The following ROBO1 variants were observed in gnomAD, a reference collection of about 807,000 sequenced individuals.
The protein encoded by ROBO1 is roundabout homolog 1.
ROBO1 carries 149 observed loss-of-function variants against 195.9 expected under a neutral mutation model. The observed-to-expected ratio is 0.76, with a 90% CI of 0.67 to 0.87. The LOEUF is 0.87. Among genes scored for constraint, ROBO1 ranks in the 40% least tolerant of loss-of-function variants. The pLI is 0.00. For synonymous variants in ROBO1, 816 were observed against 733.2 expected, an observed-to-expected ratio of 1.11 and a Z score of -1.82; for missense variants, 1,933 against 2,068.3, an observed-to-expected ratio of 0.93 and a Z score of 1.27.
At chr3:79,046,503 A>T (rs1273170917) in intron 3 of ROBO1, among the ~76,000 whole-genome samples, 14 of 152,152 alleles carry the variant, frequency 9.2e-5, no homozygotes, top group Admixed American at 9.2e-4. Context: ...ATTAACTAAC[A>T]TGATCACAAG....
chr3:79,750,062 G>C (rs758347628), intron 1 of ROBO1, among the ~76,000 whole-genome samples: 2 of 152,208 alleles, frequency 1.3e-5, no homozygotes, highest in Non-Finnish European at 2.9e-5. Context: ...CCCTGCAAAG[G>C]CACAGGGGTG....
At chr3:79,200,336 G>T (rs1473816138) in intron 2 of ROBO1, among the ~76,000 whole-genome samples, 2 of 151,454 alleles carry the variant, frequency 1.3e-5, no homozygotes, top group African/African-American at 4.8e-5. Flanking sequence ...GCAAAAAATA[G>T]GTATTTATTT....
At chr3:79,179,790 A>C (rs2108727453) in intron 2 of ROBO1, among the ~76,000 whole-genome samples, 1 of 152,348 alleles carries the variant, frequency 6.6e-6, no homozygotes, top group East Asian at 1.9e-4. Context: ...ATTAAGAGTA[A>C]ACTAATTTTT....
intron 2 of ROBO1, among the ~76,000 whole-genome samples, chr3:79,448,564 G>A (rs894267382): frequency 3.9e-5 from 6 of 152,224 alleles, no homozygotes; most frequent in Admixed American, 2.0e-4. Flanking sequence ...CTATGATAGG[G>A]TAATCCCCGC....
chr3:78,693,238 T>C (rs1024537869), intron 8 of ROBO1: 5 of 1,422,550 alleles, frequency 3.5e-6, no homozygotes, highest in Non-Finnish European at 4.8e-6. Flanking sequence ...AAGTGAAACA[T>C]GGAGGCTGAT....
At chr3:79,395,744 A>G (rs1279407107) in intron 2 of ROBO1, among the ~76,000 whole-genome samples, 4 of 152,084 alleles carry the variant, frequency 2.6e-5, no homozygotes, top group African/African-American at 4.8e-5. Context: ...TTCCTAAATT[A>G]TTTTTAAAAA....
chr3:79,761,027 C>T (rs1704670432), intron 1 of ROBO1, among the ~76,000 whole-genome samples: 1 of 148,696 alleles, frequency 6.7e-6, no homozygotes, highest in Non-Finnish European at 1.5e-5. Flanking sequence ...AAATATAATA[C>T]ATATTTTAAT....
At chr3:78,784,884 G>A (rs767614099) in intron 4 of ROBO1, among the ~76,000 whole-genome samples, 1 of 152,078 alleles carries the variant, frequency 6.6e-6, no homozygotes, top group Non-Finnish European at 1.5e-5. Flanking sequence ...CACCTTTAAT[G>A]TGAACATGTT....
chr3:79,290,101 C>T (rs1401919185), intron 2 of ROBO1, among the ~76,000 whole-genome samples: 5 of 151,982 alleles, frequency 3.3e-5, no homozygotes, highest in Admixed American at 6.6e-5. Context: ...TGCAATGGTG[C>T]GATCTCAGCT....
In ROBO1 at chr3:78,682,666, C is replaced by T. The variant is rs931286418; in HGVS notation, c.1342+3080G>A. 5.1e-4 allele frequency among the ~76,000 whole-genome samples: 73 copies of T among 144,260 alleles called. 1 individual carries two copies. Among genetic ancestry groups the T allele is most frequent in the East Asian group, 1.2e-3 (6 of 5,012 alleles). 94.6% of individuals were successfully genotyped at this position (144,260 alleles called of 152,430 possible). ...TTTTTAATGTGACTGTGTATATATA[C>T]GTATATATACACGTATATATACACA... is the stretch of plus-strand genomic sequence containing the variant. On this transcript the variant is annotated intron_variant, in intron 10 of 30. Transcript: ENST00000464233.
chr3:79,318,258 C>T (rs1305628253), intron 2 of ROBO1, among the ~76,000 whole-genome samples: 1 of 152,214 alleles, frequency 6.6e-6, no homozygotes, highest in Non-Finnish European at 1.5e-5. Context: ...AATATCTGGG[C>T]TCCCTATGGT....
intron 5 of ROBO1, among the ~76,000 whole-genome samples, chr3:78,718,925 T>G (rs2081977148): frequency 6.8e-6 from 1 of 147,020 alleles, no homozygotes; most frequent in Non-Finnish European, 1.5e-5. Context: ...TCTAGCACAT[T>G]TTTTTCATAA....
At chr3:79,155,002 T>C (rs2080833766) in intron 2 of ROBO1, among the ~76,000 whole-genome samples, 1 of 151,774 alleles carries the variant, frequency 6.6e-6, no homozygotes, top group Admixed American at 6.6e-5. Context: ...AAGGCAAGGA[T>C]GAAAATAGAC....
chr3:79,706,244 A>C (rs900069314), intron 1 of ROBO1, among the ~76,000 whole-genome samples: 9 of 152,104 alleles, frequency 5.9e-5, no homozygotes, highest in African/African-American at 2.2e-4. Flanking sequence ...TTAACTGGAA[A>C]GCTTCTGGTT....
intron 2 of ROBO1, among the ~76,000 whole-genome samples, chr3:79,543,280 T>G (rs2107648040): frequency 6.6e-6 from 1 of 152,222 alleles, no homozygotes; most frequent in East Asian, 1.9e-4. Flanking sequence ...CCAGATTCGC[T>G]TTTTTCAAAG....
Position 79,306,193 on chromosome 3 carries a change from C to G in ROBO1, c.89-180654G>C, listed in dbSNP as rs570712459. 7.2e-5 allele frequency among the ~76,000 whole-genome samples: 11 copies of G among 152,178 alleles called. No homozygotes were observed. In the South Asian group the frequency reaches 1.9e-3, roughly 26 times the overall value. On this transcript the variant is annotated intron_variant, in intron 2 of 30. Coordinates refer to ENST00000464233, the MANE Select transcript of ROBO1 (RefSeq NM_002941.4). ...TTTACTAATACAGCATTTTTAAGTT[C>G]ATAATTTTCAAATGTTTTTCAAAAC...
intron 2 of ROBO1, among the ~76,000 whole-genome samples, chr3:79,157,122 C>G (rs2080872584): frequency 6.6e-6 from 1 of 151,806 alleles, no homozygotes; most frequent in South Asian, 2.1e-4. Flanking sequence ...CTCTCTCTCT[C>G]TGTTTGTCTC....
chr3:79,127,167 G>A (rs1269131997), intron 2 of ROBO1, among the ~76,000 whole-genome samples: 3 of 152,022 alleles, frequency 2.0e-5, no homozygotes, highest in East Asian at 3.9e-4. Flanking sequence ...TTACCTTTCC[G>A]GCCCGTGAAC....
intron 4 of ROBO1, among the ~76,000 whole-genome samples, chr3:78,801,152 T>C (rs113186659): frequency 4.6e-5 from 7 of 152,226 alleles, no homozygotes; most frequent in East Asian, 3.9e-4. Context: ...ATCCAGAACA[T>C]ATTATTAAAG....
Sources: allele counts gnomAD v4.1 joint callset (sites outside exome capture counted in the v4.1 genomes callset), GRCh38; gene constraint gnomAD v4.1.1; transcripts MANE v1.5; gene names NCBI Gene and HGNC (gene_info 2026-07-23, HGNC 2026-07-21).